GRM3: variants seen among roughly 807,000 people sequenced by gnomAD.
GRM3 encodes the protein glutamate metabotropic receptor 3.
A neutral mutation model predicts 70.5 loss-of-function variants in GRM3; 26 were observed. That is an observed-to-expected ratio of 0.37 (90% CI 0.27 to 0.51). The LOEUF (loss-of-function observed/expected upper bound fraction) is 0.51. Ranked by LOEUF, GRM3 falls within the 20% of genes least tolerant of loss-of-function variation. GRM3 has a pLI of 0.93. For synonymous variants in GRM3, 443 were observed against 434.9 expected (o/e 1.02, Z -0.23); for missense variants, 859 against 1,123.8 (o/e 0.76, Z 3.37).
intron 4 of GRM3, among the ~76,000 whole-genome samples, chr7:86,842,644 G>T (rs1475893680): frequency 6.6e-6 from 1 of 152,146 alleles, no homozygotes; most frequent in Non-Finnish European, 1.5e-5. Context: ...AAAATTTTGA[G>T]CATCAGTCAA....
In GRM3 at chr7:86,716,428, G is replaced by A. The variant is rs191119778; in HGVS notation, c.-140-48578G>A. On this transcript the variant is annotated intron_variant, in intron 1 of 5. Coordinates refer to ENST00000361669, the MANE Select transcript of GRM3 (RefSeq NM_000840.3). ...TTTATCGTCAGAAAACTAAGGATGAGAAATGGTAAGAAGTTTGTCCAAATC... is the reference window on the plus strand; with the variant it reads ...TTTATCGTCAGAAAACTAAGGATGAAAAATGGTAAGAAGTTTGTCCAAATC... Among the ~76,000 whole-genome samples, 56 of 152,008 alleles carry A rather than the reference G, an allele frequency of 3.7e-4. 1 individual carries two copies. The highest frequency in any genetic ancestry group is 1.3e-3 in the African/African-American group (55 of 41,508).
intron 1 of GRM3, among the ~76,000 whole-genome samples, chr7:86,754,336 A>T (rs1796296534): frequency 6.6e-6 from 1 of 152,128 alleles, no homozygotes; most frequent in South Asian, 2.1e-4. Flanking sequence ...CAAAAATTTG[A>T]TCATCCCTAA....
chr7:86,798,728 C>A (rs1031217814), intron 3 of GRM3, among the ~76,000 whole-genome samples: 2 of 152,072 alleles, frequency 1.3e-5, no homozygotes, highest in African/African-American at 4.8e-5. Context: ...TTGGGAGGGG[C>A]CAGGAGTGGA....
chr7:86,664,156 A>T (rs1011506607), intron 1 of GRM3, among the ~76,000 whole-genome samples: 3 of 151,852 alleles, frequency 2.0e-5, no homozygotes, highest in African/African-American at 7.3e-5. Context: ...TCTTTTTTTT[A>T]AAAAAGACCC....
intron 1 of GRM3, among the ~76,000 whole-genome samples, chr7:86,686,233 C>A (rs1278963270): frequency 2.6e-5 from 4 of 152,196 alleles, no homozygotes; most frequent in African/African-American, 9.6e-5. Flanking sequence ...TCCATAGACA[C>A]GCTCCAGTTT....
In GRM3 at chr7:86,766,381, T is replaced by TA. The variant is rs376927010; in HGVS notation, c.468+779dup. ...AGAGAAGCCAGAGGATTACTACCAT[T>TA]AAAAAAAAAAAGGAAACATTTAACA... On this transcript the variant is annotated intron_variant, in intron 2 of 5. Transcript: ENST00000361669. 4.0e-3 allele frequency among the ~76,000 whole-genome samples: 577 copies of TA among 144,184 alleles called. 4 individuals are homozygous for TA. Among genetic ancestry groups the TA allele is most frequent in the Admixed American group, 6.7e-3 (96 of 14,434 alleles). 94.6% of individuals were successfully genotyped at this position (144,184 alleles called of 152,430 possible). A position where few individuals can be genotyped will look rare whatever the true frequency, so the allele number is the denominator to read the frequency against.
chr7:86,711,069 T>C (rs939636236), intron 1 of GRM3, among the ~76,000 whole-genome samples: 5 of 152,100 alleles, frequency 3.3e-5, no homozygotes, highest in African/African-American at 9.7e-5. Flanking sequence ...AGAGAAGTAC[T>C]CTCTCTGAGC....
Position 86,644,284 on chromosome 7 carries a change from A to G in GRM3, c.-729A>G. 4.0e-6 allele frequency: 1 copy of G among 249,502 alleles called. No homozygotes were observed. The highest frequency in any genetic ancestry group is 4.5e-5 in the South Asian group (1 of 22,306). The allele number at this position is 249,502 out of a possible 1,614,324, so 15.5% of individuals were successfully genotyped here. A position where few individuals can be genotyped will look rare whatever the true frequency, so the allele number is the denominator to read the frequency against. ...CCCTGGCTCACTGAAGACTCTGCAG[A>G]TATACCCTTATAAGAGGGAGGGTGG... On this transcript the variant is annotated 5_prime_UTR_variant, in exon 1 of 6. Transcript: ENST00000361669.
At chr7:86,797,890 G>T (rs1454954022) in intron 3 of GRM3, among the ~76,000 whole-genome samples, 2 of 152,168 alleles carry the variant, frequency 1.3e-5, no homozygotes, top group African/African-American at 4.8e-5. Context: ...CTCGGTGCCT[G>T]CATCCCAGCC....
chr7:86,701,346 A>C (rs1527763), intron 1 of GRM3, among the ~76,000 whole-genome samples: 53 of 152,040 alleles, frequency 3.5e-4, no homozygotes, highest in African/African-American at 1.3e-3. Flanking sequence ...GTCTCAACAT[A>C]GAATCCTAAT....
In GRM3 at chr7:86,776,805, C is replaced by T. The variant is rs535287444; in HGVS notation, c.469-9456C>T. 2.0e-5 allele frequency among the ~76,000 whole-genome samples: 3 copies of T among 152,276 alleles called. No homozygotes were observed. In the East Asian group the frequency reaches 5.8e-4, roughly 29 times the overall value. The stretch of plus-strand genomic sequence containing the variant: ...ACAGGTCTTTTGATGTCAAGTCACC[C>T]TGGAAGTCATGCTTTCGCAGGTGTT... On this transcript the variant is annotated intron_variant, in intron 2 of 5. Transcript: ENST00000361669.
intron 1 of GRM3, among the ~76,000 whole-genome samples, chr7:86,744,577 G>T (rs570649756): frequency 6.6e-6 from 1 of 151,784 alleles, no homozygotes; most frequent in Non-Finnish European, 1.5e-5. Flanking sequence ...TAGGGTGTCA[G>T]GGACGCTTAA....
intron 3 of GRM3, among the ~76,000 whole-genome samples, chr7:86,817,762 C>G (rs1798044585): frequency 6.6e-6 from 1 of 151,916 alleles, no homozygotes; most frequent in African/African-American, 2.4e-5. Flanking sequence ...TACATTAAAG[C>G]TAGAAAGGTT....
intron 3 of GRM3, among the ~76,000 whole-genome samples, chr7:86,826,441 G>A (rs1359781756): frequency 6.6e-6 from 1 of 152,158 alleles, no homozygotes; most frequent in Non-Finnish European, 1.5e-5. Flanking sequence ...GAGAAAAGGA[G>A]ACTGTGAAAA....
chr7:86,715,224 A>C lies in GRM3; in HGVS notation c.-140-49782A>C, dbSNP rs1795287821. 2.0e-5 allele frequency among the ~76,000 whole-genome samples: 3 copies of C among 152,016 alleles called. No homozygotes were observed. The South Asian group carries it at 6.2e-4, about 31-fold the overall frequency. On this transcript the variant is annotated intron_variant, in intron 1 of 5. Coordinates refer to ENST00000361669, the MANE Select transcript of GRM3 (RefSeq NM_000840.3). The stretch of plus-strand genomic sequence containing the variant: ...CAAAATGACTGTTGTTAAAATCTCA[A>C]ACACCAATTACCATTTCCTGGTTAC...
intron 3 of GRM3, among the ~76,000 whole-genome samples, chr7:86,796,871 T>C: frequency 6.6e-6 from 1 of 152,156 alleles, no homozygotes; most frequent in Non-Finnish European, 1.5e-5. Context: ...GGGGCAGGTC[T>C]TTTCCACGCT....
chr7:86,797,927 T>G (rs1797590361), intron 3 of GRM3, among the ~76,000 whole-genome samples: 1 of 152,160 alleles, frequency 6.6e-6, no homozygotes, highest in Admixed American at 6.5e-5. Context: ...AATGTAGAGC[T>G]CAGGCCATTG....
At chr7:86,833,003 C>A in intron 3 of GRM3, 1 of 983,764 alleles carries the variant, frequency 1.0e-6, no homozygotes, top group African/African-American at 1.7e-5. Context: ...CCTGGTTGTT[C>A]TTTTTCTTCC....
chr7:86,714,145 C>G (rs1413538782), intron 1 of GRM3, among the ~76,000 whole-genome samples: 2 of 152,014 alleles, frequency 1.3e-5, no homozygotes, highest in Non-Finnish European at 2.9e-5. Flanking sequence ...CATTCTCATG[C>G]TCTCCTAGCT....
Sources: gnomAD v4.1 joint callset for allele counts (sites outside exome capture counted in the v4.1 genomes callset) on GRCh38, gnomAD v4.1.1 for gene constraint, MANE v1.5 for transcripts, NCBI Gene and HGNC (gene_info 2026-07-23, HGNC 2026-07-21) for gene names.